The following GPC6 variants were observed in gnomAD, a reference collection of about 807,000 sequenced individuals.
GPC6 encodes glypican 6.
In GPC6, 14 loss-of-function variants were observed where a neutral mutation model predicts 55.2. The ratio of observed to expected loss-of-function variants is 0.25; its 90% CI spans 0.17 to 0.40. GPC6 has a LOEUF of 0.40. Ranked by LOEUF, GPC6 falls within the 10% of genes least tolerant of loss-of-function variation. The pLI is 1.00. For missense variants in GPC6, 641 were observed against 708.5 expected (o/e 0.90, Z 1.08); for synonymous variants, 278 against 259.6 (o/e 1.07, Z -0.68).
At chr13:93,761,537 A>G (rs1884954433) in intron 2 of GPC6, among the ~76,000 whole-genome samples, 1 of 152,112 alleles carries the variant, frequency 6.6e-6, no homozygotes, top group Non-Finnish European at 1.5e-5. Flanking sequence ...AAATAGAGAC[A>G]GGGTCATCTT....
At chr13:94,175,510 A>G (rs1888716583) in intron 4 of GPC6, among the ~76,000 whole-genome samples, 2 of 152,124 alleles carry the variant, frequency 1.3e-5, no homozygotes, top group Non-Finnish European at 2.9e-5. Context: ...AGACTGGGTC[A>G]TGGAATTTGT....
chr13:94,290,448 AAG>A (rs1252899501), intron 5 of GPC6, among the ~76,000 whole-genome samples: 3,061 of 150,206 alleles, frequency 0.02, 99 homozygotes, highest in African/African-American at 0.068. Context: ...AAAAAAAAAA[AAG>A]AAAAAGAAAA....
Position 93,227,323 on chromosome 13 carries a change from C to T in GPC6, c.-134C>T. 2.4e-6 allele frequency: 2 copies of T among 825,160 alleles called. No homozygotes were observed. The highest frequency in any genetic ancestry group is 1.6e-5 in the South Asian group (1 of 61,012). 51.1% of individuals were successfully genotyped at this position (825,160 alleles called of 1,614,324 possible). On this transcript the variant is annotated 5_prime_UTR_variant, in exon 1 of 9. Coordinates refer to ENST00000377047, the MANE Select transcript of GPC6 (RefSeq NM_005708.5). The surrounding 1 kb of genome is among the most constrained non-coding windows in gnomAD (Gnocchi z 4.3). ...CAGAGGGCTGCGCTGCTCGTCCCCT[C>T]GGCTGGCAGAAGGGGGTGACGCTGG...
chr13:93,952,856 A>ATATATATGTGTGATATATACGTG (rs1879321963), intron 3 of GPC6, among the ~76,000 whole-genome samples: 2 of 106,250 alleles, frequency 1.9e-5, no homozygotes, highest in Admixed American at 1.0e-4. Context: ...ATATATACGT[A>ATATATATGTGTGATATATACGTG]TATATATGTA....
In GPC6 at chr13:93,828,475, A is replaced by G. The variant is rs139663879; in HGVS notation, c.320-1679A>G. 3.6e-3 allele frequency among the ~76,000 whole-genome samples: 547 copies of G among 152,288 alleles called. 2 individuals are homozygous for G. The highest frequency in any genetic ancestry group is 0.012 in the African/African-American group (512 of 41,560). Reference sequence around the variant, plus strand: ...TCCTAAAATGATAAGCAATATCAGCATACAGCATATATAAATATTTTGATA... The same window carrying G: ...TCCTAAAATGATAAGCAATATCAGCGTACAGCATATATAAATATTTTGATA... On this transcript the variant is annotated intron_variant, in intron 2 of 8. Transcript: ENST00000377047.
At chr13:94,152,266 A>G (rs1887767700) in intron 4 of GPC6, among the ~76,000 whole-genome samples, 1 of 152,314 alleles carries the variant, frequency 6.6e-6, no homozygotes, top group East Asian at 1.9e-4. Flanking sequence ...TGGATGTCCA[A>G]AGTTCTTGAC....
intron 1 of GPC6, among the ~76,000 whole-genome samples, chr13:93,259,940 G>A (rs967199332): frequency 6.6e-6 from 1 of 151,864 alleles, no homozygotes; most frequent in African/African-American, 2.4e-5. Flanking sequence ...AGAATAAAAT[G>A]GAAATTAAAA....
intron 1 of GPC6, among the ~76,000 whole-genome samples, chr13:93,261,959 C>T (rs1877164922): frequency 1.3e-5 from 2 of 148,910 alleles, no homozygotes; most frequent in Non-Finnish European, 3.0e-5. Context: ...CACACACACA[C>T]ACACACACTT....
intron 2 of GPC6, among the ~76,000 whole-genome samples, chr13:93,826,984 T>C (rs945944740): frequency 3.3e-5 from 5 of 152,294 alleles, no homozygotes; most frequent in Admixed American, 3.3e-4. Context: ...AATAAAATCT[T>C]CCCAGAGGCT....
rs60375718 is a variant in GPC6 at position 93,895,234 on chromosome 13, GTATATATATATATATATATATATA to G, written c.711+64709_711+64732del. On this transcript the variant is annotated intron_variant, in intron 3 of 8. Transcript: ENST00000377047. ...TGTGTGTGTATGTATGTGTGTGTGT[GTATATATATATATATATATATATA>G]TATATATATATATATATATGTAACT... 5.6e-4 allele frequency among the ~76,000 whole-genome samples: 61 copies of G among 108,160 alleles called. 2 individuals are homozygous for G. Among genetic ancestry groups the G allele is most frequent in the Admixed American group, 1.8e-3 (19 of 10,830 alleles). 71.0% of individuals were successfully genotyped at this position (108,160 alleles called of 152,430 possible).
At chr13:93,802,915 C>A (rs1886424977) in intron 2 of GPC6, among the ~76,000 whole-genome samples, 1 of 152,126 alleles carries the variant, frequency 6.6e-6, no homozygotes, top group African/African-American at 2.4e-5. Context: ...CTACTCCAGA[C>A]TAAACTTTTA....
intron 3 of GPC6, among the ~76,000 whole-genome samples, chr13:93,883,690 C>T (rs1422955312): frequency 6.6e-6 from 1 of 151,742 alleles, no homozygotes; most frequent in Non-Finnish European, 1.5e-5. Context: ...CCATTTTAAT[C>T]CTTCATGTCA....
At chr13:93,274,355 T>C (rs1306538794) in intron 1 of GPC6, among the ~76,000 whole-genome samples, 1 of 152,184 alleles carries the variant, frequency 6.6e-6, no homozygotes, top group Admixed American at 6.5e-5. Context: ...GAAAGTGATA[T>C]GAATGATTTA....
chr13:94,198,604 T>C (rs561341209), intron 4 of GPC6, among the ~76,000 whole-genome samples: 1 of 152,340 alleles, frequency 6.6e-6, no homozygotes, highest in Admixed American at 6.5e-5. Flanking sequence ...TCAGGCTGTG[T>C]CCGTTCTGCC....
chr13:93,220,873 A>G, the GPC6 span, among the ~76,000 whole-genome samples: 1 of 152,178 alleles, frequency 6.6e-6, no homozygotes, highest in Non-Finnish European at 1.5e-5. Flanking sequence ...ATGAAAATTT[A>G]AAAATAGTAT....
chr13:93,842,781 G>A (rs1888000494), intron 3 of GPC6, among the ~76,000 whole-genome samples: 1 of 151,856 alleles, frequency 6.6e-6, no homozygotes, highest in South Asian at 2.1e-4. Context: ...AAGTCACCAG[G>A]ATATTTATTT....
At chr13:93,780,172 A>G (rs1885592988) in intron 2 of GPC6, among the ~76,000 whole-genome samples, 1 of 152,184 alleles carries the variant, frequency 6.6e-6, no homozygotes, top group Non-Finnish European at 1.5e-5. Context: ...ACAATTTAAA[A>G]AAAGCATTTT....
rs1423228418 is a variant in GPC6 at position 93,640,824 on chromosome 13, CTTCCTTTG to C, written c.319+95410_319+95417del. ...CCTTCCTTCCTTCCTTCTTTCCTTC[CTTCCTTTG>C]TTCCTTCCTTCCTTCCTTCCTACCT... On this transcript the variant is annotated intron_variant, in intron 2 of 8. Coordinates refer to ENST00000377047, the MANE Select transcript of GPC6 (RefSeq NM_005708.5). Among the ~76,000 whole-genome samples the C allele has an allele frequency of 8.6e-3, 484 of 56,434 alleles. 8 individuals are homozygous for C. Among genetic ancestry groups the C allele is most frequent in the African/African-American group, 0.018 (447 of 25,486 alleles). 37.0% of individuals were successfully genotyped at this position (56,434 alleles called of 152,430 possible). A position where few individuals can be genotyped will look rare whatever the true frequency, so the allele number is the denominator to read the frequency against.
chr13:93,874,107 G>A (rs1172163623), intron 3 of GPC6, among the ~76,000 whole-genome samples: 2 of 151,946 alleles, frequency 1.3e-5, no homozygotes, highest in East Asian at 3.9e-4. Flanking sequence ...GCTATATAAG[G>A]TAAACTCATG....
Sources: allele counts gnomAD v4.1 joint callset (sites outside exome capture counted in the v4.1 genomes callset), GRCh38; gene constraint gnomAD v4.1.1; non-coding constraint Gnocchi (gnomAD v3.1); transcripts MANE v1.5; gene names NCBI Gene and HGNC (gene_info 2026-07-23, HGNC 2026-07-21).